Variants in BCAN observed in about 807,000 individuals in gnomAD.
BCAN encodes brevican core protein.
In BCAN, 51 loss-of-function variants were observed where a neutral mutation model predicts 92.4. The ratio of observed to expected loss-of-function variants is 0.55; its 90% confidence interval spans 0.44 to 0.70. BCAN has a LOEUF of 0.70. Ranked by LOEUF, BCAN falls within the 30% of genes least tolerant of loss-of-function variation. The pLI is 0.00. For synonymous variants in BCAN, 501 were observed against 505.2 expected, an observed-to-expected ratio of 0.99 and a Z score of 0.11; for missense variants, 1,140 against 1,212.1, an observed-to-expected ratio of 0.94 and a Z score of 0.88.
chr1:156,654,041 T>C (rs1381450362), intron 8 of BCAN, among the ~76,000 whole-genome samples: 1 of 152,178 alleles, frequency 6.6e-6, no homozygotes, highest in East Asian at 1.9e-4. Context: ...TCTTCTCCAC[T>C]AACTCCTGCA....
In BCAN at chr1:156,642,122, C is replaced by G. The variant is rs1678798922; in HGVS notation, c.-162C>G. 6.6e-6 allele frequency: 1 copy of G among 152,326 alleles called. No homozygotes were observed. The allele number at this position is 152,326 out of a possible 1,614,324, so 9.4% of individuals were successfully genotyped here. On this transcript the variant is annotated 5_prime_UTR_variant, in exon 1 of 14. Transcript: ENST00000329117. The surrounding 1 kb of genome is among the most constrained non-coding windows in gnomAD (Gnocchi z 4.2). ...GCGCCGGGAGGGCCGGCGCCCTCTT[C>G]CGAATGTCCTGCGGCCCCAGCCTCT... is the stretch of plus-strand genomic sequence containing the variant.
rs957689505 is a variant in BCAN, at chr1:156,646,664, C to A, written c.92-137C>A. ...AGGGCTGCAGGACCCTGGCCCCTGG[C>A]CCCTGGCCCCTGGTCCTAGGGGGGC... On this transcript the variant is annotated intron_variant, in intron 2 of 13. Transcript: ENST00000329117. 3.6e-6 allele frequency: 5 copies of A among 1,382,786 alleles called. No homozygotes were observed. The South Asian group carries it at 4.6e-5, about 13-fold the overall frequency. 85.7% of individuals were successfully genotyped at this position (1,382,786 alleles called of 1,614,324 possible).
rs112912380 is a variant in BCAN, at chr1:156,646,791, C to T, written c.92-10C>T. On this transcript the variant is annotated splice_polypyrimidine_tract_variant and intron_variant, in intron 2 of 13. Transcript: ENST00000329117. ...AGCGTTAAGTTCCAGCCGGCTCCAC[C>T]CGTTCACAGAGGACCGCGCTTTTCG... 2 of 1,539,932 alleles carry T rather than the reference C, an allele frequency of 1.3e-6. No homozygotes were observed.
chr1:156,655,649 A>G (rs1333050408), intron 8 of BCAN, among the ~76,000 whole-genome samples: 3 of 152,158 alleles, frequency 2.0e-5, no homozygotes, highest in South Asian at 2.1e-4. Context: ...GATCTCCACT[A>G]ACCACTTCTG....
Position 156,658,039 on chromosome 1 carries a change from G to A in BCAN, c.2293-88G>A, listed in dbSNP as rs559439300. On this transcript the variant is annotated intron_variant, in intron 11 of 13. Transcript: ENST00000329117. This position sits in a 1 kb window ranked among gnomAD's most constrained non-coding sequence, Gnocchi z 4.4. Reference sequence around the variant, plus strand: ...CTAACCTTCCCTCTCCTGGGGCCCCGCTCACCAGCCCTCCTCCCCAGATCC... The same window carrying A: ...CTAACCTTCCCTCTCCTGGGGCCCCACTCACCAGCCCTCCTCCCCAGATCC... 5.0e-5 allele frequency: 75 copies of A among 1,495,330 alleles called. 1 individual carries two copies. The South Asian group carries it at 7.4e-4, about 15-fold the overall frequency. The allele number at this position is 1,495,330 out of a possible 1,614,324, so 92.6% of individuals were successfully genotyped here. A position where few individuals can be genotyped will look rare whatever the true frequency, so the allele number is the denominator to read the frequency against.
intron 8 of BCAN, among the ~76,000 whole-genome samples, chr1:156,653,796 A>G (rs1679254283): frequency 6.6e-6 from 1 of 152,080 alleles, no homozygotes. Flanking sequence ...TGGGAGTTGT[A>G]GTCCCTCACT....
intron 6 of BCAN, 24 bp from the exon 7 acceptor site, chr1:156,651,432 A>G: frequency 6.3e-6 from 10 of 1,596,402 alleles, no homozygotes; most frequent in Non-Finnish European, 8.6e-6. Context: ...TCAGGCTCGC[A>G]TCAATACTTT....
Position 156,652,872 on chromosome 1 carries a change from T to G in BCAN, c.1922T>G (p.Val641Gly). Residue 641 changes from valine to glycine, a missense_variant, in exon 8 of 14, where the codon GTG becomes GGG. By Grantham distance (109) the Val-to-Gly change is moderately radical. This residue lies in a region of BCAN where 825 missense variants were observed against 871.8 expected (regional missense o/e 0.95). Coordinates refer to ENST00000329117, the MANE Select transcript of BCAN (RefSeq NM_021948.5). ...LPTDSASRGG[V>G]AVVPASGDCV... ...ACTGACAGCGCCAGCCGAGGTGGAGTGGCCGTGGTCCCCGCATCAGGTAAT... is the reference window on the plus strand; with the variant it reads ...ACTGACAGCGCCAGCCGAGGTGGAGGGGCCGTGGTCCCCGCATCAGGTAAT... 6.2e-7 allele frequency: 1 copy of G among 1,613,708 alleles called. No homozygotes were observed.
intron 2 of BCAN, 192 bp from the exon 3 acceptor site, chr1:156,646,609 C>T: frequency 2.2e-6 from 2 of 923,860 alleles, no homozygotes; most frequent in East Asian, 2.9e-5. Flanking sequence ...GTCTGGAGAC[C>T]GTCGGGGTGG....
chr1:156,647,403 A>T lies in BCAN; in HGVS notation c.467-105A>T, dbSNP rs780070567. ...GTCCCTCATGCTGTAGAGTGAGCAC[A>T]ATTGAACTTTATTTACCCTTGTGTA... On this transcript the variant is annotated intron_variant, in intron 3 of 13. Coordinates refer to ENST00000329117, the MANE Select transcript of BCAN (RefSeq NM_021948.5). The surrounding 1 kb of genome is among the most constrained non-coding windows in gnomAD (Gnocchi z 4.8). 7.8e-7 allele frequency: 1 copy of T among 1,277,588 alleles called. No homozygotes were observed. The highest frequency in any genetic ancestry group is 1.1e-6 in the Non-Finnish European group (1 of 928,620). The allele number at this position is 1,277,588 out of a possible 1,614,324, so 79.1% of individuals were successfully genotyped here. A position where few individuals can be genotyped will look rare whatever the true frequency, so the allele number is the denominator to read the frequency against.
chr1:156,646,718 T>G, intron 2 of BCAN, 83 bp from the exon 3 acceptor site: 1 of 1,495,558 alleles, frequency 6.7e-7, no homozygotes, highest in South Asian at 1.4e-5. Context: ...GAAGGAGGGA[T>G]CCTGGAGCGG....
rs1679070268 is a variant in BCAN, at chr1:156,648,846, G to A, written c.1048G>A (p.Val350Ile). The A allele has an allele frequency of 1.3e-6, 2 of 1,568,248 alleles. No individual in the cohort carries two copies. The highest frequency in any genetic ancestry group is 1.2e-5 in the South Asian group (1 of 86,318). ...CCCCAATAAGCACAGCCGCTTCAAC[G>A]TCTACTGCTTCCGAGGTGAGCCCAC... is the stretch of plus-strand genomic sequence containing the variant. ...GFPNKHSRFN[V>I]YCFRDSAQPS... Residue 350 changes from valine (V) to isoleucine (I), a missense_variant, in exon 6 of 14, where the codon GTC (valine) becomes ATC (isoleucine). Coordinates refer to ENST00000329117, the MANE Select transcript of BCAN (RefSeq NM_021948.5).
At position 156,657,097 on chromosome 1, in the gene BCAN, G is replaced by T. The variant is rs1403987984; in HGVS notation, c.2209+1G>T. 6.2e-7 allele frequency: 1 copy of T among 1,611,130 alleles called. No individual in the cohort carries two copies. The highest frequency in any genetic ancestry group is 8.5e-7 in the Non-Finnish European group (1 of 1,177,824). On this transcript the variant is annotated splice_donor_variant, in intron 10 of 13. Coordinates refer to ENST00000329117, the MANE Select transcript of BCAN (RefSeq NM_021948.5). LOFTEE classifies it high-confidence loss of function. Reference sequence around the variant, plus strand: ...CCCGAGGAACAGGACTTCATCAACAGTGGGCTGGGAGACAGGGCGGGAGGG... The same window carrying T: ...CCCGAGGAACAGGACTTCATCAACATTGGGCTGGGAGACAGGGCGGGAGGG...
In BCAN at chr1:156,648,094, T is replaced by C. The variant is rs1679046428; in HGVS notation, c.753T>C (p.Tyr251=). 2.5e-6 allele frequency: 4 copies of C among 1,613,484 alleles called. No individual in the cohort carries two copies. The South Asian group carries it at 3.3e-5, about 13-fold the overall frequency. ...ATGACCTCTATGATGTGTACTGTTA[T>C]GCTGAAGACCTAAATGGTGATTAGG... ...DPDDLYDVYC[Y]AEDLNGELFL... is the part of the protein sequence containing the mutation. Residue 251 remains tyrosine, a synonymous_variant, in exon 5 of 14, where the codon TAT becomes TAC. Coordinates refer to ENST00000329117, the MANE Select transcript of BCAN (RefSeq NM_021948.5).
chr1:156,652,885 C>A lies in BCAN; in HGVS notation c.1935C>A (p.Pro645=). 6.2e-7 allele frequency: 1 copy of A among 1,613,576 alleles called. No homozygotes were observed. Among genetic ancestry groups the A allele is most frequent in the Non-Finnish European group, 8.5e-7 (1 of 1,179,966 alleles). Residue 645 remains proline (P), a synonymous_variant, in exon 8 of 14, where the codon CCC becomes CCA. Coordinates refer to ENST00000329117, the MANE Select transcript of BCAN (RefSeq NM_021948.5). ...SASRGGVAVV[P]ASGDCVPSPC... ...GCCGAGGTGGAGTGGCCGTGGTCCC[C>A]GCATCAGGTAATTCTGCCCAAGGCT...
chr1:156,653,694 G>A (rs960518762), intron 8 of BCAN, among the ~76,000 whole-genome samples: 1 of 152,080 alleles, frequency 6.6e-6, no homozygotes, highest in Admixed American at 6.5e-5. Context: ...TCTCAGGCCT[G>A]TCTACACTTT....
At chr1:156,656,851 G>A (rs1222414646) in intron 9 of BCAN, 87 bp from the exon 10 acceptor site, 7 of 1,539,770 alleles carry the variant, frequency 4.5e-6, no homozygotes, top group African/African-American at 1.4e-5. Context: ...CTCTCGGCCT[G>A]CGGTAGTGGA....
At chr1:156,646,234 A>G in intron 2 of BCAN, 89 bp downstream of exon 2, 1 of 1,257,802 alleles carries the variant, frequency 8.0e-7, no homozygotes, top group Non-Finnish European at 1.1e-6. Context: ...AAGAGAGAGA[A>G]TTGGAGGGCT....
Position 156,656,369 on chromosome 1 carries a change from G to A in BCAN, c.2030G>A (p.Gly677Glu), listed in dbSNP as rs766307100. Residue 677 changes from glycine (G) to glutamate (E), a missense_variant, in exon 9 of 14, where the codon GGG becomes GAG. By Grantham distance (98) the Gly-to-Glu change is moderately conservative. Around this residue, in one of 3 missense-constraint regions of BCAN, gnomAD observed 825 missense variants for 871.8 expected, o/e 0.95. Coordinates refer to ENST00000329117, the MANE Select transcript of BCAN (RefSeq NM_021948.5). The stretch of plus-strand genomic sequence containing the variant: ...CGCTGCCTATGTCTGCCTGGCTATG[G>A]GGGGGACCTGTGCGATGTTGGTGAG... ...GVRCLCLPGY[G>E]GDLCDVGLRF... 16 of 1,386,068 alleles carry A rather than the reference G, an allele frequency of 1.2e-5. No individual in the cohort carries two copies. Among genetic ancestry groups the A allele is most frequent in the Non-Finnish European group, 1.5e-5 (16 of 1,067,706 alleles). The allele number at this position is 1,386,068 out of a possible 1,614,324, so 85.9% of individuals were successfully genotyped here.
Sources: gnomAD v4.1 joint callset for allele counts (sites outside exome capture counted in the v4.1 genomes callset) on GRCh38, gnomAD v4.1.1 for gene constraint, gnomAD v4.1.1 regional missense constraint, Gnocchi (gnomAD v3.1) non-coding constraint, MANE v1.5 for transcripts, NCBI Gene and HGNC (gene_info 2026-07-23, HGNC 2026-07-21) for gene names.